Variants in ANK1 observed in about 807,000 individuals in gnomAD.
The protein encoded by ANK1 is ankyrin 1.
A neutral mutation model predicts 210.4 loss-of-function variants in ANK1; 51 were observed. That is an observed-to-expected ratio of 0.24 (90% CI 0.19 to 0.31). The LOEUF (loss-of-function observed/expected upper bound fraction) is 0.31. Ranked by LOEUF, ANK1 falls within the 10% of genes least tolerant of loss-of-function variation. ANK1 has a pLI of 1.00. For missense variants in ANK1, 2,051 were observed against 2,504.4 expected, an observed-to-expected ratio of 0.82 and a Z score of 3.86; for synonymous variants, 967 against 1,025.9, an observed-to-expected ratio of 0.94 and a Z score of 1.10.
intron 1 of ANK1, among the ~76,000 whole-genome samples, chr8:41,763,806 G>A (rs13263002): frequency 0.1 from 15,480 of 151,626 alleles, 928 homozygotes; most frequent in South Asian, 0.15. Context: ...TAAAGTGACC[G>A]GCTAAGGTCA....
At chr8:41,760,987 C>T (rs1840271249) in intron 1 of ANK1, among the ~76,000 whole-genome samples, 1 of 151,734 alleles carries the variant, frequency 6.6e-6, no homozygotes, top group Non-Finnish European at 1.5e-5. Context: ...TGAAGGTGAC[C>T]TTATTTGAAA....
At chr8:41,692,166 C>T (rs1819452142) in intron 31 of ANK1, among the ~76,000 whole-genome samples, 1 of 152,096 alleles carries the variant, frequency 6.6e-6, no homozygotes, top group Non-Finnish European at 1.5e-5. Flanking sequence ...AAGTGATTCT[C>T]CTATCTCAGC....
intron 1 of ANK1, among the ~76,000 whole-genome samples, chr8:41,769,780 G>A (rs919201227): frequency 6.6e-5 from 10 of 151,688 alleles, no homozygotes; most frequent in African/African-American, 2.4e-4. Context: ...GCCTCCTGCC[G>A]GCCAGTCCAC....
chr8:41,852,534 C>T (rs985480850), intron 1 of ANK1, among the ~76,000 whole-genome samples: 1 of 152,202 alleles, frequency 6.6e-6, no homozygotes, highest in Admixed American at 6.5e-5. Context: ...CAAGTGGCCA[C>T]GGTTTGGCAG....
intron 5 of ANK1, 124 bp from the exon 6 acceptor site, chr8:41,726,070 C>T: frequency 9.1e-6 from 10 of 1,093,988 alleles, no homozygotes; most frequent in Non-Finnish European, 1.2e-5. Context: ...CCTACCTCCA[C>T]CAAAGCCCTC....
chr8:41,803,085 G>GGAAGGGAAGGGAAGGA (rs1563811160), intron 1 of ANK1, among the ~76,000 whole-genome samples: 57 of 60,032 alleles, frequency 9.5e-4, no homozygotes, highest in African/African-American at 2.1e-3. Context: ...GGAAGGAAGG[G>GGAAGGGAAGGGAAGGA]AAGGAAAGGA....
chr8:41,838,108 G>A (rs956306910), intron 1 of ANK1, among the ~76,000 whole-genome samples: 1 of 152,120 alleles, frequency 6.6e-6, no homozygotes, highest in African/African-American at 2.4e-5. Flanking sequence ...AACATAAATT[G>A]CCACTGTTTA....
chr8:41,806,274 C>T (rs1479278095), intron 1 of ANK1, among the ~76,000 whole-genome samples: 1 of 152,162 alleles, frequency 6.6e-6, no homozygotes, highest in Non-Finnish European at 1.5e-5. Flanking sequence ...CCCATGTCCT[C>T]ATTTTGAGAA....
intron 1 of ANK1, among the ~76,000 whole-genome samples, chr8:41,876,385 C>T (rs1322363286): frequency 6.6e-6 from 1 of 152,154 alleles, no homozygotes; most frequent in Non-Finnish European, 1.5e-5. Context: ...CCGGAACAGG[C>T]CCCACCCGGA....
chr8:41,878,788 C>T (rs1417685392), intron 1 of ANK1, among the ~76,000 whole-genome samples: 1 of 152,110 alleles, frequency 6.6e-6, no homozygotes, highest in Non-Finnish European at 1.5e-5. Context: ...AGGGGCCAGG[C>T]GTGGTGGTTC....
At chr8:41,894,095 G>A (rs887112844) in intron 1 of ANK1, among the ~76,000 whole-genome samples, 4 of 152,074 alleles carry the variant, frequency 2.6e-5, no homozygotes, top group South Asian at 2.1e-4. Flanking sequence ...CCCAATGGCT[G>A]AGAAAACTCA....
chr8:41,880,620 G>A (rs1448004180), intron 1 of ANK1, among the ~76,000 whole-genome samples: 42 of 152,300 alleles, frequency 2.8e-4, no homozygotes, highest in East Asian at 1.9e-4. Context: ...GCTGGTGTGG[G>A]CATCCACCAA....
chr8:41,727,534 G>A (rs1831023090), intron 4 of ANK1, among the ~76,000 whole-genome samples, 186 bp from the exon 5 acceptor site: 1 of 152,122 alleles, frequency 6.6e-6, no homozygotes, highest in Non-Finnish European at 1.5e-5. Context: ...GGCCACAGAG[G>A]CTGTGCCTCC....
intron 1 of ANK1, among the ~76,000 whole-genome samples, chr8:41,891,596 G>A (rs1240240318): frequency 6.6e-6 from 1 of 152,244 alleles, no homozygotes; most frequent in Admixed American, 6.5e-5. Flanking sequence ...CTAGCCTATG[G>A]CTGGGAAGTG....
chr8:41,720,932 C>T (rs572968092), intron 9 of ANK1, among the ~76,000 whole-genome samples: 17 of 152,188 alleles, frequency 1.1e-4, no homozygotes, highest in African/African-American at 3.4e-4. Context: ...GCTGGAGCTG[C>T]GCCAAGAAAG....
chr8:41,849,449 G>A (rs558221577), intron 1 of ANK1, among the ~76,000 whole-genome samples: 16 of 152,140 alleles, frequency 1.1e-4, no homozygotes, highest in Admixed American at 7.9e-4. Flanking sequence ...GCTTGAACCC[G>A]GGAGGCAGAG....
chr8:41,766,704 C>G (rs1265556576), intron 1 of ANK1, among the ~76,000 whole-genome samples: 1 of 152,190 alleles, frequency 6.6e-6, no homozygotes, highest in East Asian at 1.9e-4. Context: ...TCTAAGGCCC[C>G]AAACCTCCAT....
At chr8:41,680,381 G>A (rs1287826305) in intron 37 of ANK1, among the ~76,000 whole-genome samples, 1 of 152,048 alleles carries the variant, frequency 6.6e-6, no homozygotes, top group African/African-American at 2.4e-5. Context: ...TGGCCAACAT[G>A]GTGAGATCCC....
rs769505326 is a variant in ANK1, at chr8:41,695,172, C to T, written c.3115+5G>A. On this transcript the variant is annotated splice_donor_5th_base_variant and intron_variant, in intron 27 of 42. Coordinates refer to ENST00000289734, the MANE Select transcript of ANK1 (RefSeq NM_000037.4). ...GGACCCAGCCCTGGGATCCCCCGCC[C>T]CTACCTTCGTCCATCCCGTTGAGGA... 168 of 1,614,004 alleles carry T rather than the reference C, an allele frequency of 1.0e-4. 1 individual carries two copies. In the South Asian group the frequency reaches 1.8e-3, roughly 17 times the overall value.
Sources: gnomAD v4.1 joint callset for allele counts (sites outside exome capture counted in the v4.1 genomes callset) on GRCh38, gnomAD v4.1.1 for gene constraint, MANE v1.5 for transcripts, NCBI Gene and HGNC (gene_info 2026-07-23, HGNC 2026-07-21) for gene names.